The following GADL1 variants were observed in gnomAD, a reference collection of about 807,000 sequenced individuals.
The protein encoded by GADL1 is acidic amino acid decarboxylase GADL1.
In GADL1, 71 loss-of-function variants were observed where a neutral mutation model predicts 69.5. The ratio of observed to expected loss-of-function variants is 1.02; its 90% CI spans 0.84 to 1.25. The LOEUF (loss-of-function observed/expected upper bound fraction) is 1.25. GADL1 is among the 50% of genes most tolerant of loss of function. The probability of loss-of-function intolerance (pLI) is 0.00; values close to 1 mark genes in which losing one functional copy is unlikely to be tolerated. For missense variants in GADL1, 737 were observed against 631.8 expected (o/e 1.17, Z -1.79); for synonymous variants, 254 against 214.4 (o/e 1.18, Z -1.62).
At chr3:30,817,617 A>C (rs1256631346) in intron 11 of GADL1, among the ~76,000 whole-genome samples, 2 of 152,202 alleles carry the variant, frequency 1.3e-5, no homozygotes, top group Non-Finnish European at 2.9e-5. Context: ...TCTGGTTCAC[A>C]CTAGCTCTGA....
chr3:30,752,499 C>T (rs1232499705), intron 14 of GADL1, among the ~76,000 whole-genome samples: 1 of 152,084 alleles, frequency 6.6e-6, no homozygotes, highest in East Asian at 1.9e-4. Context: ...TTGGGATAGC[C>T]CTGGCGATGA....
chr3:30,840,931 TC>T (rs1697955476), intron 8 of GADL1, among the ~76,000 whole-genome samples: 1 of 152,226 alleles, frequency 6.6e-6, no homozygotes, highest in Non-Finnish European at 1.5e-5. Context: ...TCAATGTTCA[TC>T]CTAGTTTGAG....
chr3:30,730,541 C>T (rs1433856368), intron 14 of GADL1, among the ~76,000 whole-genome samples: 2 of 152,116 alleles, frequency 1.3e-5, no homozygotes, highest in East Asian at 3.9e-4. Context: ...TATGCAAGAA[C>T]AGTGGAGGGC....
rs1192601717 is a variant in GADL1, at chr3:30,800,976, G to T, written c.1163C>A (p.Pro388Gln). Residue 388 changes from proline (P) to glutamine (Q), a missense_variant, in exon 12 of 15, where the codon CCA becomes CAA. Physicochemically the swap from Pro to Gln is moderately conservative, Grantham distance 76 (BLOSUM62 -1). Transcript: ENST00000282538. ...GGTCATCCAGAACTTGAATGCATCT[G>T]GTCTTCTGCTACACTGGATAGACTT... is the stretch of plus-strand genomic sequence containing the variant. ...GDKSIQCSRRPDAFKFWMTWK... is the reference protein window; with the variant it reads ...GDKSIQCSRRQDAFKFWMTWK... 1 of 1,613,824 alleles carries T rather than the reference G, an allele frequency of 6.2e-7. No homozygotes were observed. Among genetic ancestry groups the T allele is most frequent in the South Asian group, 1.1e-5 (1 of 91,076 alleles).
intron 14 of GADL1, among the ~76,000 whole-genome samples, chr3:30,751,647 G>A (rs1483539571): frequency 6.6e-6 from 1 of 152,068 alleles, no homozygotes; most frequent in African/African-American, 2.4e-5. Context: ...AACAGTTTGA[G>A]GAATTATCTC....
chr3:30,850,935 C>T lies in GADL1; in HGVS notation c.435G>A (p.Thr145=), dbSNP rs372203584. ...MTEALNPSVY[T]YEVSPVFLLV... ...ACAGAAACACTGGGGACACCTCATA[C>T]GTATAACTAGATAGATATAAAAAAC... The change falls in exon 5 of 15, where the codon ACG becomes ACA. Residue 145 remains threonine, a synonymous_variant. Coordinates refer to ENST00000282538, the MANE Select transcript of GADL1 (RefSeq NM_207359.3). 30 of 1,519,200 alleles carry T rather than the reference C, an allele frequency of 2.0e-5. No homozygotes were observed. In the South Asian group the frequency reaches 2.0e-4, roughly 10 times the overall value. The allele number at this position is 1,519,200 out of a possible 1,614,324, so 94.1% of individuals were successfully genotyped here.
chr3:30,837,164 G>GTTTT (rs3043722), intron 9 of GADL1, among the ~76,000 whole-genome samples: 17 of 151,610 alleles, frequency 1.1e-4, no homozygotes, highest in Admixed American at 5.3e-4. Flanking sequence ...ATAAACATCA[G>GTTTT]TTTAATATTT....
chr3:30,734,758 T>C (rs1695516064), intron 14 of GADL1, among the ~76,000 whole-genome samples: 1 of 152,176 alleles, frequency 6.6e-6, no homozygotes, highest in African/African-American at 2.4e-5. Flanking sequence ...TTGTCTCTTC[T>C]CCCAAATGAG....
intron 1 of GADL1, among the ~76,000 whole-genome samples, chr3:30,876,095 C>T (rs1320384560): frequency 1.3e-5 from 2 of 152,070 alleles, no homozygotes; most frequent in East Asian, 1.9e-4. Flanking sequence ...TCCTATAATA[C>T]ATTCCATATT....
chr3:30,859,832 C>T (rs1698292854), intron 2 of GADL1, among the ~76,000 whole-genome samples: 1 of 151,812 alleles, frequency 6.6e-6, no homozygotes, highest in Admixed American at 6.6e-5. Context: ...CTCCTTCCCC[C>T]AACTCTAGCA....
Position 30,800,879 on chromosome 3 carries a change from A to T in GADL1, c.1250+10T>A. 1 of 1,441,238 alleles carries T rather than the reference A, an allele frequency of 6.9e-7. No individual in the cohort carries two copies. Among genetic ancestry groups the T allele is most frequent in the East Asian group, 2.3e-5 (1 of 43,364 alleles). The allele number at this position is 1,441,238 out of a possible 1,614,324, so 89.3% of individuals were successfully genotyped here. On this transcript the variant is annotated intron_variant, in intron 12 of 14. Coordinates refer to ENST00000282538, the MANE Select transcript of GADL1 (RefSeq NM_207359.3). Reference sequence around the variant, plus strand: ...AAGAGAGAGAGAGAGAGAGAGAGAGAGGCTAGTACCTAGATAAAGCAAGAG... The same window carrying T: ...AAGAGAGAGAGAGAGAGAGAGAGAGTGGCTAGTACCTAGATAAAGCAAGAG...
chr3:30,765,358 G>A (rs1559492835), intron 14 of GADL1, among the ~76,000 whole-genome samples: 2 of 152,186 alleles, frequency 1.3e-5, no homozygotes, highest in Non-Finnish European at 2.9e-5. Context: ...AAAACTACAG[G>A]TGGGATAATG....
chr3:30,806,975 A>C (rs1167588694), intron 11 of GADL1, among the ~76,000 whole-genome samples: 1 of 152,232 alleles, frequency 6.6e-6, no homozygotes, highest in Non-Finnish European at 1.5e-5. Flanking sequence ...GCAGATGTGA[A>C]TTCTGCTTTT....
intron 14 of GADL1, among the ~76,000 whole-genome samples, chr3:30,747,802 G>A (rs1348583512): frequency 6.6e-6 from 1 of 152,064 alleles, no homozygotes; most frequent in East Asian, 1.9e-4. Context: ...CCATTCTCCT[G>A]ATTCCAGCTC....
intron 14 of GADL1, among the ~76,000 whole-genome samples, chr3:30,749,783 C>G (rs767308674): frequency 6.6e-6 from 1 of 152,184 alleles, no homozygotes; most frequent in South Asian, 2.1e-4. Flanking sequence ...CTGACACGAG[C>G]TCCCGAGGCA....
At chr3:30,740,957 TTATTATATATTATATATTAATATA>T (rs1225625939) in intron 14 of GADL1, among the ~76,000 whole-genome samples, 44 of 124,164 alleles carry the variant, frequency 3.5e-4, no homozygotes, top group East Asian at 1.3e-3. Flanking sequence ...TCAAATATAT[TTATTATATATTATATATTAATATA>T]TATTATATAT....
chr3:30,879,176 G>C (rs905082656), intron 1 of GADL1, among the ~76,000 whole-genome samples: 8 of 151,964 alleles, frequency 5.3e-5, no homozygotes, highest in Admixed American at 5.2e-4. Flanking sequence ...CATACTCATG[G>C]CTTCTTATCT....
At chr3:30,771,605 A>G (rs897027790) in intron 14 of GADL1, among the ~76,000 whole-genome samples, 2 of 149,370 alleles carry the variant, frequency 1.3e-5, no homozygotes, top group Middle Eastern at 6.8e-3. Flanking sequence ...ACTAGGAAAC[A>G]GGATTTTTGA....
At chr3:30,752,375 G>A (rs937515791) in intron 14 of GADL1, among the ~76,000 whole-genome samples, 1 of 151,914 alleles carries the variant, frequency 6.6e-6, no homozygotes, top group Non-Finnish European at 1.5e-5. Context: ...TTTAAGTGGT[G>A]CACCTTGCAT....
Sources: allele counts gnomAD v4.1 joint callset (sites outside exome capture counted in the v4.1 genomes callset), GRCh38; gene constraint gnomAD v4.1.1; transcripts MANE v1.5; gene names NCBI Gene and HGNC (gene_info 2026-07-23, HGNC 2026-07-21).